Variants in GRK5 observed in about 807,000 individuals in gnomAD.
GRK5 encodes G protein-coupled receptor kinase 5, also known as g protein-coupled receptor kinase GRK5.
A neutral mutation model predicts 78.4 loss-of-function variants in GRK5; 40 were observed. The observed-to-expected ratio is 0.51, with a 90% CI of 0.40 to 0.66. The LOEUF (loss-of-function observed/expected upper bound fraction) is 0.66. Ranked by LOEUF, GRK5 falls within the 30% of genes least tolerant of loss-of-function variation. GRK5 has a pLI of 0.00. For synonymous variants in GRK5, 289 were observed against 296.8 expected (o/e 0.97, Z 0.27); for missense variants, 598 against 759.9 (o/e 0.79, Z 2.50).
intron 1 of GRK5, among the ~76,000 whole-genome samples, chr10:119,237,968 CTGGAG>C (rs1848960148): frequency 6.1e-4 from 2 of 3,304 alleles, no homozygotes; most frequent in Non-Finnish European, 3.5e-3. Flanking sequence ...GAGGAAGGGG[CTGGAG>C]TTAAGGCATG....
intron 15 of GRK5, among the ~76,000 whole-genome samples, 196 bp downstream of exon 15, chr10:119,453,472 G>GC (rs1853337078): frequency 6.6e-6 from 1 of 152,180 alleles, no homozygotes; most frequent in South Asian, 2.1e-4. Context: ...GGGGAGAAGG[G>GC]CAGGGCCAGC....
intron 15 of GRK5, among the ~76,000 whole-genome samples, chr10:119,454,130 A>G (rs895373828): frequency 6.6e-5 from 10 of 152,244 alleles, no homozygotes; most frequent in African/African-American, 2.4e-4. Flanking sequence ...CAGTGATAAT[A>G]TAAAAATACA....
chr10:119,225,855 C>CT lies in GRK5; in HGVS notation c.52+17897dup, dbSNP rs1336243484. ...CCGGCTAATTTTTGTATTTTTTTTT[C>CT]TTTTTTTTTTTGAGATGGAGTCTCG... On this transcript the variant is annotated intron_variant, in intron 1 of 15. Transcript: ENST00000392870. Among the ~76,000 whole-genome samples, 214 of 106,216 alleles carry CT rather than the reference C, an allele frequency of 2.0e-3. 2 individuals are homozygous for CT. The highest frequency in any genetic ancestry group is 3.1e-3 in the Non-Finnish European group (157 of 50,016). 69.7% of individuals were successfully genotyped at this position (106,216 alleles called of 152,430 possible).
At chr10:119,386,763 C>T (rs1851804665) in intron 3 of GRK5, among the ~76,000 whole-genome samples, 1 of 152,206 alleles carries the variant, frequency 6.6e-6, no homozygotes, top group African/African-American at 2.4e-5. Context: ...TTTTCCAGGG[C>T]TGGCGTAACT....
intron 1 of GRK5, among the ~76,000 whole-genome samples, chr10:119,269,828 A>G: frequency 7.9e-6 from 1 of 126,238 alleles, no homozygotes; most frequent in African/African-American, 2.9e-5. Flanking sequence ...GTGAGACTCC[A>G]TCTTAAAAAA....
intron 1 of GRK5, among the ~76,000 whole-genome samples, chr10:119,325,918 G>A (rs570195596): frequency 6.6e-6 from 1 of 152,354 alleles, no homozygotes; most frequent in Non-Finnish European, 1.5e-5. Flanking sequence ...GTGTGCACTG[G>A]GGAGGATGTG....
chr10:119,336,559 T>C lies in GRK5; in HGVS notation c.148+9948T>C, dbSNP rs189757411. 4.9e-4 allele frequency among the ~76,000 whole-genome samples: 74 copies of C among 152,344 alleles called. No homozygotes were observed. The highest frequency in any genetic ancestry group is 5.6e-4 in the Non-Finnish European group (38 of 68,034). On this transcript the variant is annotated intron_variant, in intron 2 of 15. Coordinates refer to ENST00000392870, the MANE Select transcript of GRK5 (RefSeq NM_005308.3). This position sits in a 1 kb window ranked among gnomAD's most constrained non-coding sequence, Gnocchi z 4.5. Reference sequence around the variant, plus strand: ...TGGGGCAGAGGGAATGGTGACACTGTTTCCCCCTTTCCTTGTTAGCTTTGT... The same window carrying C: ...TGGGGCAGAGGGAATGGTGACACTGCTTCCCCCTTTCCTTGTTAGCTTTGT...
At chr10:119,313,028 G>GGTGGT (rs1850397081) in intron 1 of GRK5, among the ~76,000 whole-genome samples, 1 of 151,332 alleles carries the variant, frequency 6.6e-6, no homozygotes, top group African/African-American at 2.4e-5. Context: ...TAGTGGTAAT[G>GGTGGT]GCAGTGGTGA....
chr10:119,287,058 G>A lies in GRK5; in HGVS notation c.53-39458G>A, dbSNP rs189672035. On this transcript the variant is annotated intron_variant, in intron 1 of 15. Transcript: ENST00000392870. ...ATTGAAGAATAGGAGGGAAGGGAGG[G>A]AGGAAAGAAGGAAGAAAGGAAGGGA... Among the ~76,000 whole-genome samples the A allele has an allele frequency of 4.9e-3, 735 of 150,604 alleles. 6 individuals are homozygous for A. The highest frequency in any genetic ancestry group is 8.6e-3 in the Admixed American group (130 of 15,112).
At chr10:119,372,214 G>A (rs1851558140) in intron 2 of GRK5, among the ~76,000 whole-genome samples, 1 of 152,200 alleles carries the variant, frequency 6.6e-6, no homozygotes, top group South Asian at 2.1e-4. Flanking sequence ...TGCTAGCTCT[G>A]AAGAAGTCCT....
intron 15 of GRK5, among the ~76,000 whole-genome samples, chr10:119,453,880 A>G (rs539380042): frequency 6.2e-4 from 95 of 152,284 alleles, no homozygotes; most frequent in African/African-American, 2.2e-3. Flanking sequence ...GCCCTTGGGA[A>G]ATGACACTTA....
chr10:119,411,587 G>GAGGTTAGGT (rs1297425134), intron 4 of GRK5, among the ~76,000 whole-genome samples: 1 of 152,158 alleles, frequency 6.6e-6, no homozygotes, highest in Non-Finnish European at 1.5e-5. Context: ...AAAAGAATAG[G>GAGGTTAGGT]AGGTTAGGTA....
At chr10:119,282,351 C>G (rs1346171592) in intron 1 of GRK5, among the ~76,000 whole-genome samples, 3 of 152,356 alleles carry the variant, frequency 2.0e-5, no homozygotes, top group African/African-American at 4.8e-5. Flanking sequence ...AGAGCTGTCT[C>G]TTGCTGGGAT....
intron 2 of GRK5, among the ~76,000 whole-genome samples, chr10:119,345,931 C>G (rs1481287690): frequency 6.6e-6 from 1 of 151,954 alleles, no homozygotes; most frequent in African/African-American, 2.4e-5. Flanking sequence ...CCTCTGTCCT[C>G]TCCACCTGGC....
intron 3 of GRK5, among the ~76,000 whole-genome samples, chr10:119,393,961 GTC>G (rs1466149246): frequency 6.8e-6 from 1 of 147,742 alleles, no homozygotes; most frequent in Non-Finnish European, 1.5e-5. Flanking sequence ...GTGTGTGGGT[GTC>G]TGTGTGTAGG....
chr10:119,222,516 C>G (rs754113166), intron 1 of GRK5, among the ~76,000 whole-genome samples: 1 of 151,996 alleles, frequency 6.6e-6, no homozygotes, highest in African/African-American at 2.4e-5. Flanking sequence ...TGGAATTTAC[C>G]TAGACAAGGG....
At chr10:119,278,397 C>T (rs1357009137) in intron 1 of GRK5, among the ~76,000 whole-genome samples, 1 of 152,126 alleles carries the variant, frequency 6.6e-6, no homozygotes, top group Admixed American at 6.5e-5. Flanking sequence ...CGTTGACTCT[C>T]TGTAGGGCTG....
At chr10:119,319,162 A>C (rs1362377198) in intron 1 of GRK5, among the ~76,000 whole-genome samples, 1 of 151,950 alleles carries the variant, frequency 6.6e-6, no homozygotes, top group African/African-American at 2.4e-5. Context: ...ATACTTCCCC[A>C]GTCTGGCAGG....
intron 1 of GRK5, among the ~76,000 whole-genome samples, chr10:119,280,549 TTTA>T (rs1298041289): frequency 6.6e-6 from 1 of 152,136 alleles, no homozygotes; most frequent in African/African-American, 2.4e-5. Context: ...GTTTTATTCT[TTTA>T]TTGTTATTTT....
Sources: gnomAD v4.1 joint callset for allele counts (sites outside exome capture counted in the v4.1 genomes callset) on GRCh38, gnomAD v4.1.1 for gene constraint, Gnocchi (gnomAD v3.1) non-coding constraint, MANE v1.5 for transcripts, NCBI Gene and HGNC (gene_info 2026-07-23, HGNC 2026-07-21) for gene names.